The following ATP8A2 variants were observed in gnomAD, a reference collection of about 807,000 sequenced individuals.
The protein encoded by ATP8A2 is phospholipid-transporting ATPase IB.
A neutral mutation model predicts 165.6 loss-of-function variants in ATP8A2; 100 were observed. The ratio of observed to expected loss-of-function variants is 0.60; its 90% CI spans 0.51 to 0.71. The LOEUF is 0.71. ATP8A2 is among the 30% of genes least tolerant of loss of function. ATP8A2 has a pLI of 0.00. For missense variants in ATP8A2, 1,227 were observed against 1,479.5 expected, an observed-to-expected ratio of 0.83 and a Z score of 2.80; for synonymous variants, 543 against 548.8, an observed-to-expected ratio of 0.99 and a Z score of 0.15.
At chr13:25,792,183 T>G (rs1455827486) in intron 27 of ATP8A2, among the ~76,000 whole-genome samples, 21 of 152,240 alleles carry the variant, frequency 1.4e-4, no homozygotes, top group Admixed American at 1.4e-3. Context: ...GTAAACAATG[T>G]ACCGATATCA....
intron 2 of ATP8A2, among the ~76,000 whole-genome samples, chr13:25,521,933 C>T (rs541962830): frequency 2.3e-4 from 35 of 152,260 alleles, no homozygotes; most frequent in Non-Finnish European, 2.4e-4. Flanking sequence ...TCTTTTTGCT[C>T]TGGATTGCTT....
chr13:25,695,687 A>C (rs1218289359), intron 24 of ATP8A2, among the ~76,000 whole-genome samples: 1 of 152,248 alleles, frequency 6.6e-6, no homozygotes, highest in Non-Finnish European at 1.5e-5. Flanking sequence ...CTCCTCGTTT[A>C]TTCAAGTTTG....
intron 2 of ATP8A2, among the ~76,000 whole-genome samples, chr13:25,501,106 G>A (rs2036841223): frequency 6.6e-6 from 1 of 152,168 alleles, no homozygotes; most frequent in African/African-American, 2.4e-5. Flanking sequence ...GAAAGGGGGA[G>A]GCATGAAAGA....
intron 25 of ATP8A2, among the ~76,000 whole-genome samples, chr13:25,744,498 G>C (rs2043987034): frequency 2.0e-5 from 3 of 152,148 alleles, no homozygotes; most frequent in African/African-American, 7.2e-5. Context: ...GCGGGGGGAG[G>C]GGAGAACTTA....
At chr13:25,496,483 T>C (rs1358286672) in intron 2 of ATP8A2, among the ~76,000 whole-genome samples, 3 of 152,074 alleles carry the variant, frequency 2.0e-5, no homozygotes, top group African/African-American at 7.2e-5. Flanking sequence ...AAAAAATAAA[T>C]AGTGACTTAA....
At chr13:25,820,886 C>A (rs951913268) in intron 27 of ATP8A2, among the ~76,000 whole-genome samples, 4 of 151,884 alleles carry the variant, frequency 2.6e-5, no homozygotes, top group African/African-American at 9.7e-5. Flanking sequence ...AAAACCAGCT[C>A]ATGGATTTTA....
intron 7 of ATP8A2, among the ~76,000 whole-genome samples, chr13:25,540,043 A>G (rs894911057): frequency 3.9e-5 from 6 of 152,040 alleles, no homozygotes; most frequent in African/African-American, 1.5e-4. Context: ...TTTCTCTTTC[A>G]TCTTCAGTTC....
At chr13:25,628,530 T>C (rs1383036291) in intron 24 of ATP8A2, among the ~76,000 whole-genome samples, 1 of 152,188 alleles carries the variant, frequency 6.6e-6, no homozygotes, top group East Asian at 1.9e-4. Flanking sequence ...CTGCCTGTAT[T>C]AGTCTTCTAG....
At chr13:25,870,803 C>G (rs1952654325) in intron 33 of ATP8A2, among the ~76,000 whole-genome samples, 1 of 152,192 alleles carries the variant, frequency 6.6e-6, no homozygotes, top group Non-Finnish European at 1.5e-5. Flanking sequence ...TAAATTTTAT[C>G]TGAAGTGACT....
intron 1 of ATP8A2, among the ~76,000 whole-genome samples, chr13:25,378,380 TA>T (rs2032716195): frequency 6.6e-6 from 1 of 151,808 alleles, no homozygotes; most frequent in Non-Finnish European, 1.5e-5. Flanking sequence ...CATTAGTTTA[TA>T]AATACTGCCC....
intron 6 of ATP8A2, chr13:25,534,203 A>T (rs1413479798): frequency 5.6e-6 from 3 of 532,822 alleles, no homozygotes; most frequent in Non-Finnish European, 1.2e-5. Flanking sequence ...CCCTTTAAAG[A>T]AATTTCTCCT....
At chr13:25,894,499 G>A (rs556340339) in intron 33 of ATP8A2, among the ~76,000 whole-genome samples, 52 of 151,770 alleles carry the variant, frequency 3.4e-4, no homozygotes, top group African/African-American at 1.2e-3. Context: ...TTTGGCTTAG[G>A]ATTGACTTGG....
chr13:25,852,831 G>A (rs946927197), intron 30 of ATP8A2, among the ~76,000 whole-genome samples: 6 of 151,768 alleles, frequency 4.0e-5, no homozygotes, highest in Non-Finnish European at 7.4e-5. Flanking sequence ...TTGTACCTGG[G>A]AGGTGGAGGT....
intron 24 of ATP8A2, among the ~76,000 whole-genome samples, chr13:25,647,415 T>A (rs771587530): frequency 6.6e-6 from 1 of 152,224 alleles, no homozygotes; most frequent in South Asian, 2.1e-4. Context: ...TTTGAATATA[T>A]CATCCCACTC....
At chr13:25,661,716 G>A (rs2042055282) in intron 24 of ATP8A2, among the ~76,000 whole-genome samples, 1 of 152,158 alleles carries the variant, frequency 6.6e-6, no homozygotes, top group Non-Finnish European at 1.5e-5. Flanking sequence ...GACCTACCCA[G>A]AGTACCTACT....
chr13:25,475,748 C>T (rs2035976038), intron 2 of ATP8A2, among the ~76,000 whole-genome samples: 1 of 152,100 alleles, frequency 6.6e-6, no homozygotes. Context: ...TTTTGATTTG[C>T]GTTTCTCTAA....
chr13:25,729,090 T>C (rs1305456759), intron 25 of ATP8A2, among the ~76,000 whole-genome samples: 1 of 152,082 alleles, frequency 6.6e-6, no homozygotes, highest in Non-Finnish European at 1.5e-5. Flanking sequence ...CCTCCACTGT[T>C]TTTTTCCCAC....
chr13:25,379,305 G>A (rs1349717532), intron 1 of ATP8A2, among the ~76,000 whole-genome samples: 1 of 152,196 alleles, frequency 6.6e-6, no homozygotes, highest in Non-Finnish European at 1.5e-5. Context: ...GCACATTATG[G>A]AGACTGATTA....
At chr13:25,878,132 A>G (rs781112845) in intron 33 of ATP8A2, among the ~76,000 whole-genome samples, 1 of 152,180 alleles carries the variant, frequency 6.6e-6, no homozygotes, top group Non-Finnish European at 1.5e-5. Flanking sequence ...AGCGTGAAGA[A>G]GACAACTCGG....
Sources: allele counts gnomAD v4.1 joint callset (sites outside exome capture counted in the v4.1 genomes callset), GRCh38; gene constraint gnomAD v4.1.1; transcripts MANE v1.5; gene names NCBI Gene and HGNC (gene_info 2026-07-23, HGNC 2026-07-21).